The following HOMER2 variants were observed in gnomAD, a reference collection of about 807,000 sequenced individuals.
HOMER2 encodes the protein homer scaffold protein 2.
Under a neutral mutation model 47.0 loss-of-function variants are expected in HOMER2, and 27 were observed. The observed-to-expected ratio is 0.57, with a 90% confidence interval of 0.42 to 0.79. The LOEUF is 0.79. Ranked by LOEUF, HOMER2 falls within the 30% of genes least tolerant of loss-of-function variation. HOMER2 has a pLI of 0.00. For synonymous variants in HOMER2, 161 were observed against 163.8 expected (o/e 0.98, Z 0.13); for missense variants, 443 against 435.0 (o/e 1.02, Z -0.16).
intron 1 of HOMER2, among the ~76,000 whole-genome samples, chr15:82,977,179 AT>A (rs907111011): frequency 2.0e-5 from 3 of 152,186 alleles, no homozygotes; most frequent in African/African-American, 7.2e-5. Flanking sequence ...AAAAAAAGTA[AT>A]TTTTGCTGCA....
chr15:82,877,791 A>C (rs1475141815), intron 2 of HOMER2, among the ~76,000 whole-genome samples: 1 of 152,186 alleles, frequency 6.6e-6, no homozygotes, highest in East Asian at 1.9e-4. Context: ...ATGCAACATG[A>C]GAAGTCAAGA....
chr15:82,852,141 C>T lies in HOMER2; in HGVS notation c.762+1G>A. 1 of 1,609,558 alleles carries T rather than the reference C, an allele frequency of 6.2e-7. No individual in the cohort carries two copies. Among genetic ancestry groups the T allele is most frequent in the Non-Finnish European group, 8.5e-7 (1 of 1,175,914 alleles). ...GCCCTGCTCGGAGCACCATTACTCA[C>T]TGTCTCCTTTTCTCGGAGCTCTGCC... On this transcript the variant is annotated splice_donor_variant, in intron 7 of 8. Coordinates refer to ENST00000450735, the MANE Select transcript of HOMER2 (RefSeq NM_004839.4). LOFTEE classifies it high-confidence loss of function.
At chr15:82,923,004 G>A (rs115046402) in intron 1 of HOMER2, among the ~76,000 whole-genome samples, 5 of 152,156 alleles carry the variant, frequency 3.3e-5, no homozygotes, top group South Asian at 4.1e-4. Context: ...TCAGAGGCAC[G>A]TGGCTCCAAC....
chr15:82,846,367 T>C (rs1216143429), downstream of HOMER2: 3 of 152,264 alleles, frequency 2.0e-5, no homozygotes, highest in Admixed American at 6.5e-5. Context: ...GTGGAACTTA[T>C]CATTTATAAC....
intron 2 of HOMER2, among the ~76,000 whole-genome samples, chr15:82,881,178 T>C (rs2052509995): frequency 6.6e-6 from 1 of 152,176 alleles, no homozygotes; most frequent in South Asian, 2.1e-4. Context: ...GCCACCCTAG[T>C]AAAAGACCCA....
intron 1 of HOMER2, among the ~76,000 whole-genome samples, chr15:82,973,786 C>A (rs965150955): frequency 5.9e-5 from 9 of 152,194 alleles, no homozygotes; most frequent in African/African-American, 2.2e-4. Flanking sequence ...CAATGTCTGG[C>A]CAGGCATGGT....
Position 82,893,528 on chromosome 15 carries a change from T to C in HOMER2, c.6-687A>G, listed in dbSNP as rs767635435. ...TTGTATTTATAGTAGAGACGGGGTT[T>C]CACTATGTTGGCCGGGCTGGTCTCG... On this transcript the variant is annotated intron_variant, in intron 1 of 8. Transcript: ENST00000450735. 2.1e-4 allele frequency among the ~76,000 whole-genome samples: 32 copies of C among 152,048 alleles called. 3 individuals are homozygous for C. The highest frequency in any genetic ancestry group is 7.4e-5 in the Non-Finnish European group (5 of 68,008).
intron 1 of HOMER2, among the ~76,000 whole-genome samples, chr15:82,973,369 G>C (rs944921411): frequency 9.9e-5 from 15 of 152,154 alleles, no homozygotes; most frequent in African/African-American, 3.6e-4. Context: ...ATAACTGCCC[G>C]TCATCTGTAA....
At chr15:82,878,810 T>A (rs921608007) in intron 2 of HOMER2, among the ~76,000 whole-genome samples, 1 of 152,198 alleles carries the variant, frequency 6.6e-6, no homozygotes, top group African/African-American at 2.4e-5. Context: ...GTATTTCTTG[T>A]ACAGATGGGG....
chr15:82,961,144 C>T (rs1482176119), intron 1 of HOMER2, among the ~76,000 whole-genome samples: 2 of 152,258 alleles, frequency 1.3e-5, no homozygotes, highest in Non-Finnish European at 2.9e-5. Context: ...CTTTCTGTCA[C>T]TTCCGAGCTA....
intron 2 of HOMER2, among the ~76,000 whole-genome samples, chr15:82,877,886 G>C (rs1313629958): frequency 6.6e-6 from 1 of 152,124 alleles, no homozygotes; most frequent in African/African-American, 2.4e-5. Context: ...CTACTGGCAA[G>C]TGTAGGGGAA....
chr15:82,890,589 A>G (rs1203199810), intron 2 of HOMER2, among the ~76,000 whole-genome samples: 1 of 151,944 alleles, frequency 6.6e-6, no homozygotes, highest in Non-Finnish European at 1.5e-5. Context: ...TTTGGCTTGA[A>G]CCCCACCACA....
chr15:82,843,535 A>G (rs1390173919), exon 2 of HOMER2: 2 of 150,198 alleles, frequency 1.3e-5, no homozygotes, highest in Non-Finnish European at 3.0e-5. Flanking sequence ...AAAAAAAAAA[A>G]GTAACAGATA....
chr15:82,888,597 G>C (rs1223256245), intron 2 of HOMER2, among the ~76,000 whole-genome samples: 1 of 40,766 alleles, frequency 2.5e-5, no homozygotes, highest in African/African-American at 1.6e-4. Context: ...TAGTCTCGTG[G>C]TGCGCCGTTT....
chr15:82,902,222 G>A (rs1034762905), intron 1 of HOMER2, among the ~76,000 whole-genome samples: 5 of 129,216 alleles, frequency 3.9e-5, no homozygotes, highest in South Asian at 5.0e-4. Context: ...TTTTGAGACC[G>A]AGTCTCTCTC....
At chr15:82,906,713 C>T (rs139097048) in intron 1 of HOMER2, among the ~76,000 whole-genome samples, 5 of 152,208 alleles carry the variant, frequency 3.3e-5, no homozygotes, top group South Asian at 4.1e-4. Context: ...GGATTACAGG[C>T]GTGAGCCACC....
At chr15:82,871,369 C>T (rs1281671237) in intron 3 of HOMER2, among the ~76,000 whole-genome samples, 1 of 152,134 alleles carries the variant, frequency 6.6e-6, no homozygotes, top group Non-Finnish European at 1.5e-5. Flanking sequence ...GCTTGATTAC[C>T]ATTTCCCTAC....
chr15:82,893,032 A>C (rs1425266925), intron 1 of HOMER2, among the ~76,000 whole-genome samples, 191 bp from the exon 2 acceptor site: 1 of 152,212 alleles, frequency 6.6e-6, no homozygotes, highest in Non-Finnish European at 1.5e-5. Context: ...TTTGCAAACC[A>C]CATTCCACTT....
chr15:82,875,353 G>T lies in HOMER2; in HGVS notation c.214C>A (p.Gln72Lys), dbSNP rs926318221. Residue 72 changes from glutamine (Q) to lysine (K), a missense_variant, in exon 3 of 9, where the codon CAG becomes AAG. By Grantham distance (53) the Gln-to-Lys change is moderately conservative. Coordinates refer to ENST00000450735, the MANE Select transcript of HOMER2 (RefSeq NM_004839.4). Reference sequence around the variant, plus strand: ...CTGTCGGCCCACTGCCCAAACTTCTGTGACGTTTTGGTGAAGGTCATATTC... The same window carrying T: ...CTGTCGGCCCACTGCCCAAACTTCTTTGACGTTTTGGTGAAGGTCATATTC... ...TPNMTFTKTS[Q>K]KFGQWADSRA... 8.7e-6 allele frequency: 14 copies of T among 1,613,840 alleles called. No homozygotes were observed. Among genetic ancestry groups the T allele is most frequent in the African/African-American group, 2.7e-5 (2 of 74,920 alleles).
Sources: allele counts gnomAD v4.1 joint callset (sites outside exome capture counted in the v4.1 genomes callset), GRCh38; gene constraint gnomAD v4.1.1; transcripts MANE v1.5; gene names NCBI Gene and HGNC (gene_info 2026-07-23, HGNC 2026-07-21).